Variants in GOLGA3 observed in about 807,000 individuals in gnomAD.
GOLGA3 encodes golgin A3.
A neutral mutation model predicts 169.4 loss-of-function variants in GOLGA3; 75 were observed. That is an observed-to-expected ratio of 0.44 (90% confidence interval 0.37 to 0.54). GOLGA3 has a LOEUF of 0.54. Among genes scored for constraint, GOLGA3 ranks in the 20% least tolerant of loss-of-function variants. GOLGA3 has a pLI of 0.00. For synonymous variants in GOLGA3, 824 were observed against 822.4 expected (o/e 1.00, Z -0.03); for missense variants, 1,899 against 1,930.0 (o/e 0.98, Z 0.30).
intron 13 of GOLGA3, among the ~76,000 whole-genome samples, chr12:132,787,165 GCTAGTCTTGAACTCC>G (rs1441429440): frequency 1.3e-5 from 2 of 152,012 alleles, no homozygotes; most frequent in African/African-American, 2.4e-5. Flanking sequence ...TATTGGTCAG[GCTAGTCTTGAACTCC>G]TGACCTCGTG....
intron 2 of GOLGA3, among the ~76,000 whole-genome samples, chr12:132,820,168 C>T (rs1413354693): frequency 6.6e-6 from 1 of 151,088 alleles, no homozygotes; most frequent in Non-Finnish European, 1.5e-5. Context: ...AACAGCAAAA[C>T]TCCGTCTCAA....
At chr12:132,774,409 C>A (rs2045103011) in intron 22 of GOLGA3, 89 bp from the exon 23 acceptor site, 13 of 1,462,040 alleles carry the variant, frequency 8.9e-6, no homozygotes, top group Non-Finnish European at 1.1e-5. Context: ...CGGGCCTCCC[C>A]AACTGGTGGA....
chr12:132,822,846 C>T (rs1482964950), intron 1 of GOLGA3, among the ~76,000 whole-genome samples: 1 of 152,124 alleles, frequency 6.6e-6, no homozygotes, highest in Non-Finnish European at 1.5e-5. Context: ...CACTTGAAAC[C>T]GGGAGGCGGA....
chr12:132,814,516 G>A (rs1440410243), intron 3 of GOLGA3, among the ~76,000 whole-genome samples: 2 of 152,222 alleles, frequency 1.3e-5, no homozygotes, highest in African/African-American at 2.4e-5. Context: ...GAGCTCAGCC[G>A]TCGTGGGGTC....
chr12:132,822,506 C>T (rs1950259406), intron 1 of GOLGA3, among the ~76,000 whole-genome samples, 195 bp from the exon 2 acceptor site: 1 of 152,268 alleles, frequency 6.6e-6, no homozygotes, highest in East Asian at 1.9e-4. Flanking sequence ...ACACTGGGCC[C>T]TTTCCTGAAG....
chr12:132,790,769 C>T (rs74912164), intron 12 of GOLGA3, among the ~76,000 whole-genome samples: 31,096 of 151,758 alleles, frequency 0.2, 4,120 homozygotes, highest in Non-Finnish European at 0.3. Flanking sequence ...TAAAGAGGGC[C>T]GGGCGCGGTG....
chr12:132,812,154 C>T (rs1487132666), intron 4 of GOLGA3, among the ~76,000 whole-genome samples: 1 of 150,700 alleles, frequency 6.6e-6, no homozygotes, highest in African/African-American at 2.4e-5. Context: ...CACCACTACA[C>T]ACCTGCTTGG....
chr12:132,773,014 T>C lies in GOLGA3; in HGVS notation c.*91A>G. The C allele has an allele frequency of 1.0e-6, 1 of 968,228 alleles. No individual in the cohort carries two copies. 60.0% of individuals were successfully genotyped at this position (968,228 alleles called of 1,614,324 possible). A position where few individuals can be genotyped will look rare whatever the true frequency, so the allele number is the denominator to read the frequency against. ...AAGGCAAAACAAAACTTAAATTTCA[T>C]GTCTTAGAAAAACATCGACCACACA... On this transcript the variant is annotated 3_prime_UTR_variant, in exon 24 of 24. Transcript: ENST00000450791.
In GOLGA3 at chr12:132,798,450, G is replaced by A. The variant is rs1221963085; in HGVS notation, c.1828C>T (p.Leu610=). ...ACATTCTCGAGTTTCAGGTGCTCCA[G>A]GAGACCTGCCTGGGTCATCTGTCCA... ...QVGQMTQAGL[L]EHLKLENVSL... The change falls in exon 9 of 24, where the codon CTG becomes TTG. Residue 610 remains leucine, a synonymous_variant. Transcript: ENST00000450791. 1.9e-6 allele frequency: 3 copies of A among 1,612,842 alleles called. No individual in the cohort carries two copies. The highest frequency in any genetic ancestry group is 2.2e-5 in the East Asian group (1 of 44,860).
At chr12:132,773,432 G>C in intron 23 of GOLGA3, 138 bp from the exon 24 acceptor site, 1 of 451,694 alleles carries the variant, frequency 2.2e-6, no homozygotes, top group Non-Finnish European at 3.9e-6. Context: ...TGAGACCACA[G>C]AAGCTCAGCT....
Position 132,795,902 on chromosome 12 carries a change from A to T in GOLGA3, c.2419T>A (p.Ser807Thr). The T allele has an allele frequency of 1.2e-6, 2 of 1,614,136 alleles. No individual in the cohort carries two copies. The highest frequency in any genetic ancestry group is 1.7e-6 in the Non-Finnish European group (2 of 1,179,982). Residue 807 changes from serine to threonine, a missense_variant, in exon 11 of 24, where the codon TCG (serine) becomes ACG (threonine). Coordinates refer to ENST00000450791, the MANE Select transcript of GOLGA3 (RefSeq NM_001389683.1). ...TCTCTTAACTTCTCTAAAGTTTCCG[A>T]CGTTTCCTCGGTACCTTCTTCCAAG... ...RRLEEGTEET[S>T]ETLEKLREEL...
chr12:132,788,958 C>A, intron 13 of GOLGA3, 69 bp downstream of exon 13: 1 of 1,160,002 alleles, frequency 8.6e-7, no homozygotes, highest in Non-Finnish European at 1.2e-6. Flanking sequence ...CAGACACAGG[C>A]CCCACCCTCC....
rs1566148050 is a variant in GOLGA3, at chr12:132,821,609, GA to G, written c.133+386del. 3.0e-4 allele frequency among the ~76,000 whole-genome samples: 46 copies of G among 152,078 alleles called. 1 individual carries two copies. The South Asian group carries it at 3.1e-3, about 10-fold the overall frequency. On this transcript the variant is annotated intron_variant, in intron 2 of 23. Coordinates refer to ENST00000450791, the MANE Select transcript of GOLGA3 (RefSeq NM_001389683.1). ...CTCACACCTGTAATCCCAGCACTTT[GA>G]GGCTGAGGCTGAGGCGGGCGGATCA...
At chr12:132,826,239 C>T in intron 1 of GOLGA3, 2 of 983,256 alleles carry the variant, frequency 2.0e-6, no homozygotes, top group East Asian at 3.0e-5. Flanking sequence ...TTCTCATTCT[C>T]CAAAAAAAAA....
chr12:132,821,166 G>A (rs1950192857), intron 2 of GOLGA3, among the ~76,000 whole-genome samples: 1 of 148,438 alleles, frequency 6.7e-6, no homozygotes, highest in Non-Finnish European at 1.5e-5. Context: ...CAGCACTTTG[G>A]GATGCCAAGG....
intron 2 of GOLGA3, 75 bp downstream of exon 2, chr12:132,821,920 TC>T: frequency 1.3e-6 from 1 of 758,036 alleles, no homozygotes; most frequent in Non-Finnish European, 2.0e-6. Context: ...CAACGCCACA[TC>T]CTCCCTCAAC....
chr12:132,803,011 C>T (rs770235276), intron 7 of GOLGA3, among the ~76,000 whole-genome samples: 7 of 152,062 alleles, frequency 4.6e-5, no homozygotes, highest in African/African-American at 1.4e-4. Context: ...GCCAAGATGG[C>T]GCCATTGCAC....
chr12:132,772,557 A>AAT lies in GOLGA3; in HGVS notation c.*547_*548insAT, dbSNP rs1555247708. ...AGACTCTGTCTCAAAAAAAAAAAAAAAAAAAAAACAAAGATTGGATTATGA... is the reference window on the plus strand; with the variant it reads ...AGACTCTGTCTCAAAAAAAAAAAAAAATAAAAAAAACAAAGATTGGATTATGA... On this transcript the variant is annotated 3_prime_UTR_variant, in exon 24 of 24. Coordinates refer to ENST00000450791, the MANE Select transcript of GOLGA3 (RefSeq NM_001389683.1). 1 of 151,860 alleles carries AAT rather than the reference A, an allele frequency of 6.6e-6. No individual in the cohort carries two copies. The highest frequency in any genetic ancestry group is 1.5e-5 in the Non-Finnish European group (1 of 67,984). 9.4% of individuals were successfully genotyped at this position (151,860 alleles called of 1,614,324 possible). A position where few individuals can be genotyped will look rare whatever the true frequency, so the allele number is the denominator to read the frequency against.
In GOLGA3 at chr12:132,821,997, C is replaced by A. The variant is rs147019283; in HGVS notation, c.132G>T (p.Gln44His). Residue 44 changes from glutamine (Q) to histidine (H), a missense_variant and splice_region_variant, in exon 2 of 24, where the codon CAG (glutamine) becomes CAT (histidine). By Grantham distance (24) the Gln-to-His change is conservative (BLOSUM62 0). Transcript: ENST00000450791. ...LVPPDQQDKVQCAEVNRASTE... is the reference protein window; with the variant it reads ...LVPPDQQDKVHCAEVNRASTE... Reference sequence around the variant, plus strand: ...ACACAGAGGAACCTCACGACTTACACTGGACTTTGTCCTGCTGGTCAGGTG... The same window carrying A: ...ACACAGAGGAACCTCACGACTTACAATGGACTTTGTCCTGCTGGTCAGGTG... The A allele has an allele frequency of 1.7e-5, 27 of 1,603,448 alleles. No individual in the cohort carries two copies. In the African/African-American group the frequency reaches 3.4e-4, roughly 20 times the overall value.
Sources: gnomAD v4.1 joint callset for allele counts (sites outside exome capture counted in the v4.1 genomes callset) on GRCh38, gnomAD v4.1.1 for gene constraint, MANE v1.5 for transcripts, NCBI Gene and HGNC (gene_info 2026-07-23, HGNC 2026-07-21) for gene names.